OPCML: variants seen among roughly 807,000 people sequenced by gnomAD.
OPCML encodes opioid binding protein/cell adhesion molecule like, also known as opioid-binding protein/cell adhesion molecule.
A neutral mutation model predicts 37.8 loss-of-function variants in OPCML; 13 were observed. That is an observed-to-expected ratio of 0.34 (90% CI 0.22 to 0.55). OPCML has a LOEUF of 0.55. Among genes scored for constraint, OPCML ranks in the 20% least tolerant of loss-of-function variants. The probability of loss-of-function intolerance (pLI) is 0.91; values close to 1 mark genes in which losing one functional copy is unlikely to be tolerated. For synonymous variants in OPCML, 176 were observed against 168.8 expected (o/e 1.04, Z -0.33); for missense variants, 341 against 435.6 (o/e 0.78, Z 1.93).
intron 1 of OPCML, among the ~76,000 whole-genome samples, chr11:133,443,832 G>C (rs967383893): frequency 3.3e-5 from 5 of 152,212 alleles, no homozygotes; most frequent in East Asian, 1.9e-4. Context: ...TTAGGGACTG[G>C]ATACCTTGGC....
chr11:132,842,515 A>G (rs1358327181), intron 2 of OPCML, among the ~76,000 whole-genome samples: 1 of 152,240 alleles, frequency 6.6e-6, no homozygotes, highest in Non-Finnish European at 1.5e-5. Context: ...CGGGTTAGGA[A>G]GCAGTAGCCC....
At chr11:133,447,785 G>A (rs866432323) in intron 1 of OPCML, among the ~76,000 whole-genome samples, 1 of 152,140 alleles carries the variant, frequency 6.6e-6, no homozygotes, top group Non-Finnish European at 1.5e-5. Flanking sequence ...GGGGCTCTTA[G>A]GTTGACTTCA....
chr11:133,469,407 T>C (rs1947053835), intron 1 of OPCML, among the ~76,000 whole-genome samples: 1 of 152,196 alleles, frequency 6.6e-6, no homozygotes. Context: ...CTGAGGTGTG[T>C]AGTAGGCTGT....
rs115883829 is a variant in OPCML at position 133,143,680 on chromosome 11, C to T, written c.62-200670G>A. On this transcript the variant is annotated intron_variant, in intron 1 of 7. Transcript: ENST00000524381. Reference sequence around the variant, plus strand: ...AAACTGAGATAAAGGAGGCATGAATCGGATGATGCCATTTTCCTTGTCGGG... The same window carrying T: ...AAACTGAGATAAAGGAGGCATGAATTGGATGATGCCATTTTCCTTGTCGGG... Among the ~76,000 whole-genome samples, 948 of 152,262 alleles carry T rather than the reference C, an allele frequency of 6.2e-3. 10 individuals carry two copies. The highest frequency in any genetic ancestry group is 0.022 in the African/African-American group (913 of 41,556).
intron 1 of OPCML, among the ~76,000 whole-genome samples, chr11:133,444,543 CA>C (rs376511019): frequency 1.3e-5 from 2 of 151,602 alleles, no homozygotes; most frequent in African/African-American, 4.8e-5. Flanking sequence ...TCCCACAGAA[CA>C]AAAAAATAAT....
intron 3 of OPCML, among the ~76,000 whole-genome samples, chr11:132,601,624 T>C (rs1327412239): frequency 2.0e-5 from 3 of 152,186 alleles, no homozygotes; most frequent in Non-Finnish European, 4.4e-5. Flanking sequence ...CCAGCCATGA[T>C]GGCTGTTTAT....
At chr11:132,929,595 A>AAAC (rs888428454) in intron 2 of OPCML, among the ~76,000 whole-genome samples, 29 of 152,122 alleles carry the variant, frequency 1.9e-4, no homozygotes, top group Non-Finnish European at 2.9e-4. Context: ...GACATTACCA[A>AAAC]AACAACAACA....
At chr11:133,182,774 A>G (rs1937895752) in intron 1 of OPCML, among the ~76,000 whole-genome samples, 1 of 152,200 alleles carries the variant, frequency 6.6e-6, no homozygotes, top group African/African-American at 2.4e-5. Context: ...GCTTCATGTT[A>G]TGTGAGTGCC....
At chr11:133,503,304 A>G (rs1211947399) in intron 1 of OPCML, among the ~76,000 whole-genome samples, 1 of 152,134 alleles carries the variant, frequency 6.6e-6, no homozygotes, top group African/African-American at 2.4e-5. Context: ...ACCCAGCATC[A>G]TAATACAAGG....
At chr11:132,944,624 A>T (rs945778475) in intron 1 of OPCML, among the ~76,000 whole-genome samples, 2 of 152,228 alleles carry the variant, frequency 1.3e-5, no homozygotes, top group Non-Finnish European at 1.5e-5. Context: ...CCTAAAAAGT[A>T]GTAGGACTGA....
intron 1 of OPCML, among the ~76,000 whole-genome samples, chr11:133,518,054 A>C (rs779775878): frequency 3.3e-5 from 5 of 152,158 alleles, no homozygotes; most frequent in Non-Finnish European, 4.4e-5. Context: ...CAGCCTCCAA[A>C]AGACCCCTCA....
rs137905800 is a variant in OPCML at position 133,374,184 on chromosome 11, C to A, written c.61+158080G>T. 2.3e-3 allele frequency among the ~76,000 whole-genome samples: 351 copies of A among 152,190 alleles called. 2 individuals are homozygous for A. The highest frequency in any genetic ancestry group is 7.1e-3 in the African/African-American group (294 of 41,510). On this transcript the variant is annotated intron_variant, in intron 1 of 7. Transcript: ENST00000524381. Reference sequence around the variant, plus strand: ...GAATAGAAAGGAATGAACACAATAACATTAATGAATCTTGAAATAATTATG... The same window carrying A: ...GAATAGAAAGGAATGAACACAATAAAATTAATGAATCTTGAAATAATTATG...
At chr11:133,532,227 C>T in intron 1 of OPCML, 37 bp downstream of exon 1, 1 of 1,608,486 alleles carries the variant, frequency 6.2e-7, no homozygotes, top group Non-Finnish European at 8.5e-7. Context: ...CGTACAATCA[C>T]CCCAGGGAGA....
At chr11:132,861,952 T>G (rs1454789096) in intron 2 of OPCML, among the ~76,000 whole-genome samples, 1 of 152,196 alleles carries the variant, frequency 6.6e-6, no homozygotes, top group Non-Finnish European at 1.5e-5. Flanking sequence ...TTGTTTAGTC[T>G]TTTTGTTTTC....
chr11:132,951,347 T>C (rs1945856772), intron 1 of OPCML, among the ~76,000 whole-genome samples: 1 of 152,198 alleles, frequency 6.6e-6, no homozygotes, highest in South Asian at 2.1e-4. Flanking sequence ...ACGAGGGCTC[T>C]CTTTCTGGCT....
intron 2 of OPCML, among the ~76,000 whole-genome samples, chr11:132,668,706 C>T (rs1942329549): frequency 6.6e-6 from 1 of 152,168 alleles, no homozygotes; most frequent in Non-Finnish European, 1.5e-5. Flanking sequence ...TCCTTCTGTA[C>T]TTCCAAATCT....
chr11:133,407,696 G>T (rs1015907369), intron 1 of OPCML, among the ~76,000 whole-genome samples: 9 of 152,206 alleles, frequency 5.9e-5, no homozygotes, highest in African/African-American at 2.2e-4. Context: ...GGTTATAATT[G>T]CTCCCTAGAG....
intron 2 of OPCML, among the ~76,000 whole-genome samples, chr11:132,854,589 G>A (rs1385149818): frequency 6.6e-6 from 1 of 152,222 alleles, no homozygotes; most frequent in Non-Finnish European, 1.5e-5. Context: ...GCACTGAAGA[G>A]ATTCCAAAGG....
chr11:133,194,423 TG>T (rs1938454680), intron 1 of OPCML, among the ~76,000 whole-genome samples: 1 of 152,114 alleles, frequency 6.6e-6, no homozygotes, highest in African/African-American at 2.4e-5. Context: ...TTGGTCTGAC[TG>T]GTCTCGAATT....
Sources: allele counts gnomAD v4.1 joint callset (sites outside exome capture counted in the v4.1 genomes callset), GRCh38; gene constraint gnomAD v4.1.1; transcripts MANE v1.5; gene names NCBI Gene and HGNC (gene_info 2026-07-23, HGNC 2026-07-21).